ACTR3C: variants seen among roughly 807,000 people sequenced by gnomAD.
The protein encoded by ACTR3C is actin related protein 3C.
ACTR3C carries 18 observed loss-of-function variants against 26.3 expected under a neutral mutation model. The observed-to-expected ratio is 0.68, with a 90% confidence interval of 0.47 to 1.01. The LOEUF is 1.01. ACTR3C is among the 50% of genes least tolerant of loss of function. The pLI is 0.00. For synonymous variants in ACTR3C, 55 were observed against 94.5 expected (o/e 0.58, Z 2.42); for missense variants, 184 against 250.7 (o/e 0.73, Z 1.80).
the ACTR3C span, among the ~76,000 whole-genome samples, chr7:150,230,534 A>G: frequency 6.6e-6 from 1 of 152,158 alleles, no homozygotes; most frequent in Non-Finnish European, 1.5e-5. Flanking sequence ...CCCTCCCATC[A>G]AATTCTCATA....
At chr7:149,932,384 T>C in the ACTR3C span, among the ~76,000 whole-genome samples, 12 of 152,062 alleles carry the variant, frequency 7.9e-5, no homozygotes, top group East Asian at 2.3e-3. Context: ...ATGATGAAAA[T>C]ATTCTAAAAT....
At chr7:150,116,953 C>T in the ACTR3C span, among the ~76,000 whole-genome samples, 1 of 151,880 alleles carries the variant, frequency 6.6e-6, no homozygotes, top group Non-Finnish European at 1.5e-5. Context: ...CAGGGTGGGG[C>T]ATCACCTCAC....
the ACTR3C span, among the ~76,000 whole-genome samples, chr7:150,082,302 C>T: frequency 6.6e-6 from 1 of 152,184 alleles, no homozygotes; most frequent in African/African-American, 2.4e-5. Flanking sequence ...TGTCCACTCT[C>T]ATCCCCTTTC....
chr7:150,044,560 T>C, the ACTR3C span, among the ~76,000 whole-genome samples: 1 of 152,230 alleles, frequency 6.6e-6, no homozygotes, highest in Non-Finnish European at 1.5e-5. Context: ...GTGTAGTTTG[T>C]GCATTTAGAC....
At chr7:149,961,741 T>C in the ACTR3C span, among the ~76,000 whole-genome samples, 3 of 152,006 alleles carry the variant, frequency 2.0e-5, no homozygotes, top group African/African-American at 7.3e-5. Context: ...AGAGGAAGTG[T>C]ACACTCACAA....
chr7:149,938,341 G>C, the ACTR3C span, among the ~76,000 whole-genome samples: 12 of 152,176 alleles, frequency 7.9e-5, no homozygotes, highest in African/African-American at 2.9e-4. Context: ...TTACAAAATA[G>C]AGAAAATGCA....
the ACTR3C span, among the ~76,000 whole-genome samples, chr7:149,961,396 G>T: frequency 6.6e-6 from 1 of 152,178 alleles, no homozygotes; most frequent in Non-Finnish European, 1.5e-5. Flanking sequence ...CTCACAGGAA[G>T]TGCACAGGTA....
At chr7:149,950,217 C>T in the ACTR3C span, among the ~76,000 whole-genome samples, 1 of 93,126 alleles carries the variant, frequency 1.1e-5, no homozygotes, top group Non-Finnish European at 1.9e-5. Flanking sequence ...ATAGAGGTGA[C>T]ATAACATTCT....
At chr7:150,138,281 G>T in the ACTR3C span, among the ~76,000 whole-genome samples, 4 of 152,140 alleles carry the variant, frequency 2.6e-5, no homozygotes, top group African/African-American at 9.7e-5. Flanking sequence ...CACAAAAGAC[G>T]AGAACTTGAA....
the ACTR3C span, among the ~76,000 whole-genome samples, chr7:149,951,617 C>T: frequency 1.4e-3 from 213 of 152,112 alleles, no homozygotes; most frequent in African/African-American, 5.0e-3. Flanking sequence ...TCCTAGAGGC[C>T]ATCCAAAGTC....
intron 1 of ACTR3C, among the ~76,000 whole-genome samples, chr7:150,302,033 A>AT (rs1795469814): frequency 1.3e-5 from 2 of 152,136 alleles, no homozygotes; most frequent in African/African-American, 2.4e-5. Flanking sequence ...GTATTTTAGA[A>AT]TAAAAAAAAG....
At chr7:150,084,403 G>A in the ACTR3C span, among the ~76,000 whole-genome samples, 1 of 152,128 alleles carries the variant, frequency 6.6e-6, no homozygotes, top group Admixed American at 6.5e-5. Context: ...GTATTTCCTT[G>A]TTCAATGTCT....
chr7:149,967,776 A>G, the ACTR3C span, among the ~76,000 whole-genome samples: 1 of 152,020 alleles, frequency 6.6e-6, no homozygotes, highest in African/African-American at 2.4e-5. Flanking sequence ...AGCTTCTATA[A>G]TCTTCCTCTC....
chr7:150,176,682 A>G, the ACTR3C span, among the ~76,000 whole-genome samples: 4 of 150,882 alleles, frequency 2.7e-5, no homozygotes, highest in Non-Finnish European at 5.9e-5. Context: ...TAGGCATTCA[A>G]TATTTGCTAA....
chr7:149,920,884 A>T, the ACTR3C span, among the ~76,000 whole-genome samples: 1 of 151,794 alleles, frequency 6.6e-6, no homozygotes, highest in Non-Finnish European at 1.5e-5. Flanking sequence ...CTCCTGCCTC[A>T]GCTTCCCAAG....
the ACTR3C span, among the ~76,000 whole-genome samples, chr7:149,914,306 A>C: frequency 6.6e-6 from 1 of 152,046 alleles, no homozygotes; most frequent in Non-Finnish European, 1.5e-5. Context: ...AAGTAGTGAA[A>C]AAAGGCCAGG....
At chr7:150,051,143 T>A in the ACTR3C span, among the ~76,000 whole-genome samples, 27 of 148,442 alleles carry the variant, frequency 1.8e-4, no homozygotes, top group Non-Finnish European at 7.5e-5. Context: ...CTCGTGTGTA[T>A]GTGCATGCAC....
chr7:150,035,525 G>C, the ACTR3C span, among the ~76,000 whole-genome samples: 121 of 112,088 alleles, frequency 1.1e-3, 4 homozygotes, highest in African/African-American at 4.1e-3. Flanking sequence ...CCACTCTCGT[G>C]GGGGGTGCCT....
At chr7:149,969,269 C>CTGTGTGTGTGTGTGTG in the ACTR3C span, among the ~76,000 whole-genome samples, 24 of 141,544 alleles carry the variant, frequency 1.7e-4, 1 homozygote, top group African/African-American at 6.6e-4. Context: ...TCAGAAAGAG[C>CTGTGTGTGTGTGTGTG]TGTGTGTGTG....
Sources: allele counts gnomAD v4.1 joint callset (sites outside exome capture counted in the v4.1 genomes callset), GRCh38; gene constraint gnomAD v4.1.1; transcripts MANE v1.5; gene names NCBI Gene and HGNC (gene_info 2026-07-23, HGNC 2026-07-21).